Variants in DNM2 observed in about 807,000 individuals in gnomAD.
DNM2 encodes dynamin-2.
Under a neutral mutation model 99.0 loss-of-function variants are expected in DNM2, and 15 were observed. That is an observed-to-expected ratio of 0.15 (90% CI 0.10 to 0.23). DNM2 has a LOEUF of 0.23. Ranked by LOEUF, DNM2 falls within the 10% of genes least tolerant of loss-of-function variation. DNM2 has a pLI of 1.00. For synonymous variants in DNM2, 525 were observed against 481.2 expected (o/e 1.09, Z -1.19); for missense variants, 742 against 1,189.4 (o/e 0.62, Z 5.53).
At chr19:10,727,054 G>A (rs1448820774) in intron 1 of DNM2, among the ~76,000 whole-genome samples, 3 of 152,146 alleles carry the variant, frequency 2.0e-5, no homozygotes, top group Admixed American at 1.3e-4. Flanking sequence ...GATTGTATTT[G>A]CTCAGTGAAA....
chr19:10,734,277 A>G (rs2069440596), intron 1 of DNM2, among the ~76,000 whole-genome samples: 1 of 150,326 alleles, frequency 6.7e-6, no homozygotes, highest in Non-Finnish European at 1.5e-5. Flanking sequence ...TGAGAGGCCA[A>G]GGTTGCCATG....
At position 10,718,114 on chromosome 19, in the gene DNM2, C is replaced by G. The variant is rs2068814390; in HGVS notation, c.-129C>G. 1.8e-6 allele frequency: 2 copies of G among 1,095,310 alleles called. No homozygotes were observed. The highest frequency in any genetic ancestry group is 1.2e-6 in the Non-Finnish European group (1 of 858,932). 67.8% of individuals were successfully genotyped at this position (1,095,310 alleles called of 1,614,324 possible). On this transcript the variant is annotated 5_prime_UTR_variant, in exon 1 of 21. Coordinates refer to ENST00000389253, the MANE Select transcript of DNM2 (RefSeq NM_001005361.3). The stretch of plus-strand genomic sequence containing the variant: ...TGAGGCGGCGACCGTGAGGCCGAGC[C>G]GGGAGCGGGCGTCTTGCCGAGGCCC...
At chr19:10,752,370 C>A (rs2070226573) in intron 1 of DNM2, among the ~76,000 whole-genome samples, 2 of 152,234 alleles carry the variant, frequency 1.3e-5, no homozygotes, top group African/African-American at 4.8e-5. Context: ...GCTCTGTGTT[C>A]TCTTGGGCGT....
chr19:10,766,422 CT>C (rs1351460098), intron 2 of DNM2, among the ~76,000 whole-genome samples: 2 of 152,136 alleles, frequency 1.3e-5, no homozygotes, highest in African/African-American at 4.8e-5. Context: ...CCCAGGCCCC[CT>C]GACCCTGAGA....
Position 10,816,065 on chromosome 19 carries a change from CA to C in DNM2, c.1671+3689del, listed in dbSNP as rs1194775329. Among the ~76,000 whole-genome samples, 1 of 152,152 alleles carries C rather than the reference CA, an allele frequency of 6.6e-6. No homozygotes were observed. Among genetic ancestry groups the C allele is most frequent in the Non-Finnish European group, 1.5e-5 (1 of 67,992 alleles). ...CTTGCTATTCGGGTGGCTCTGTGGT[CA>C]CCCCCATCTAAGGCTCTGAGCGGTG... On this transcript the variant is annotated intron_variant, in intron 15 of 20. Transcript: ENST00000389253. This position sits in a 1 kb window ranked among gnomAD's most constrained non-coding sequence, Gnocchi z 4.6.
chr19:10,759,591 G>C, intron 1 of DNM2, 147 bp from the exon 2 acceptor site: 1 of 914,520 alleles, frequency 1.1e-6, no homozygotes, highest in Non-Finnish European at 1.8e-6. Flanking sequence ...TCCAAGACCA[G>C]AGCATTCCCC....
chr19:10,795,870 C>G lies in DNM2; in HGVS notation c.1196+431C>G. 1.2e-6 allele frequency: 1 copy of G among 840,326 alleles called. No homozygotes were observed. 52.1% of individuals were successfully genotyped at this position (840,326 alleles called of 1,614,324 possible). ...TAACAAAGGTAGTTGCTCCAGGTGT[C>G]TGCCCTTCCATCGCCGTGGGGTCCT... On this transcript the variant is annotated intron_variant, in intron 9 of 20. Transcript: ENST00000389253. This position sits in a 1 kb window ranked among gnomAD's most constrained non-coding sequence, Gnocchi z 4.2.
rs993459480 is a variant in DNM2 at position 10,765,340 on chromosome 19, C to T, written c.235+5529C>T. ...GCTCTGCCCAGCACAGGGCCTGGCG[C>T]CGAGCAGGTGCTCCGCATGCACGGC... On this transcript the variant is annotated intron_variant, in intron 2 of 20. Transcript: ENST00000389253. The surrounding 1 kb of genome is among the most constrained non-coding windows in gnomAD (Gnocchi z 4.4). Among the ~76,000 whole-genome samples the T allele has an allele frequency of 1.3e-5, 2 of 152,370 alleles. No homozygotes were observed. Among genetic ancestry groups the T allele is most frequent in the South Asian group, 4.1e-4 (2 of 4,832 alleles).
Position 10,819,643 on chromosome 19 carries a change from G to A in DNM2, c.1672-337G>A, listed in dbSNP as rs75646078. On this transcript the variant is annotated intron_variant, in intron 15 of 20. Transcript: ENST00000389253. ...GGTCAACAAGCGCAGGATACGTGAC[G>A]TGTTGTGTGAGGGAAAAGGAGGATG... Among the ~76,000 whole-genome samples the A allele has an allele frequency of 4.9e-3, 743 of 152,294 alleles. 4 individuals are homozygous for A. Among genetic ancestry groups the A allele is most frequent in the Non-Finnish European group, 7.8e-3 (531 of 68,024 alleles).
intron 5 of DNM2, 111 bp from the exon 6 acceptor site, chr19:10,782,849 G>A (rs2071424956): frequency 5.5e-6 from 8 of 1,448,206 alleles, no homozygotes; most frequent in Non-Finnish European, 7.7e-6. Flanking sequence ...TGACAGCTGT[G>A]AGTGCCTCGT....
chr19:10,829,405 C>T lies in DNM2; in HGVS notation c.2291+137C>T, dbSNP rs531760178. 886 of 1,142,870 alleles carry T rather than the reference C, an allele frequency of 7.8e-4. 1 individual carries two copies. The highest frequency in any genetic ancestry group is 8.6e-4 in the Non-Finnish European group (681 of 790,056). 70.8% of individuals were successfully genotyped at this position (1,142,870 alleles called of 1,614,324 possible). On this transcript the variant is annotated intron_variant, in intron 19 of 20. Coordinates refer to ENST00000389253, the MANE Select transcript of DNM2 (RefSeq NM_001005361.3). ...CCAGGGCTGGGCACTGTGGGAGCTG[C>T]TGCCCTGCTGAGGCCGGAGGAGGGA... is the stretch of plus-strand genomic sequence containing the variant.
chr19:10,804,694 A>T (rs1011277725), intron 12 of DNM2, among the ~76,000 whole-genome samples: 1 of 151,582 alleles, frequency 6.6e-6, no homozygotes, highest in Non-Finnish European at 1.5e-5. Flanking sequence ...TCTCAAAAAT[A>T]AATAAGTAAA....
chr19:10,742,486 C>G (rs1048626207), intron 1 of DNM2, among the ~76,000 whole-genome samples: 19 of 152,202 alleles, frequency 1.2e-4, no homozygotes, highest in Admixed American at 3.3e-4. Flanking sequence ...ATCCCAATTT[C>G]ATAGAGAAAC....
intron 1 of DNM2, among the ~76,000 whole-genome samples, chr19:10,727,990 A>G (rs2069169489): frequency 6.6e-6 from 1 of 152,180 alleles, no homozygotes; most frequent in Non-Finnish European, 1.5e-5. Flanking sequence ...ATAAAGGGAA[A>G]ATGTGGCCCT....
chr19:10,786,840 C>A, intron 7 of DNM2, 134 bp downstream of exon 7: 1 of 1,512,074 alleles, frequency 6.6e-7, no homozygotes, highest in Non-Finnish European at 8.9e-7. Context: ...AAGCCTTCTG[C>A]GTGCCAGGCT....
intron 1 of DNM2, among the ~76,000 whole-genome samples, chr19:10,728,912 G>A (rs570607820): frequency 2.0e-5 from 3 of 150,014 alleles, no homozygotes; most frequent in African/African-American, 4.9e-5. Flanking sequence ...GCACCACTGC[G>A]CTCCAGCCTG....
intron 7 of DNM2, among the ~76,000 whole-genome samples, chr19:10,789,843 ATAAG>A (rs2071690826): frequency 6.6e-6 from 1 of 152,240 alleles, no homozygotes; most frequent in South Asian, 2.1e-4. Context: ...TCAAAAATAA[ATAAG>A]TAAATAAATA....
chr19:10,727,469 GA>G (rs890914924), intron 1 of DNM2, among the ~76,000 whole-genome samples: 5 of 152,006 alleles, frequency 3.3e-5, no homozygotes, highest in African/African-American at 1.2e-4. Context: ...GGGCTCAAGG[GA>G]TCTTCCCACT....
Position 10,830,648 on chromosome 19 carries a change from C to A in DNM2, c.2543+270C>A, listed in dbSNP as rs563888697. ...CCACCAGGCAGCTGGGGAACCCTCACACTGGGCACCTCCTCCCACTGTTTA... is the reference window on the plus strand; with the variant it reads ...CCACCAGGCAGCTGGGGAACCCTCAAACTGGGCACCTCCTCCCACTGTTTA... On this transcript the variant is annotated intron_variant, in intron 20 of 20. Transcript: ENST00000389253. This position sits in a 1 kb window ranked among gnomAD's most constrained non-coding sequence, Gnocchi z 4.8. 63 of 589,846 alleles carry A rather than the reference C, an allele frequency of 1.1e-4. No homozygotes were observed. The South Asian group carries it at 1.2e-3, about 11-fold the overall frequency. The allele number at this position is 589,846 out of a possible 1,614,324, so 36.5% of individuals were successfully genotyped here.
Sources: allele counts gnomAD v4.1 joint callset (sites outside exome capture counted in the v4.1 genomes callset), GRCh38; gene constraint gnomAD v4.1.1; non-coding constraint Gnocchi (gnomAD v3.1); transcripts MANE v1.5; gene names NCBI Gene and HGNC (gene_info 2026-07-23, HGNC 2026-07-21).